The following PTBP2 variants were observed in gnomAD, a reference collection of about 807,000 sequenced individuals.
The protein encoded by PTBP2 is polypyrimidine tract binding protein 2, also known as polypyrimidine tract-binding protein 2.
In PTBP2, 13 loss-of-function variants were observed where a neutral mutation model predicts 61.4. That is an observed-to-expected ratio of 0.21 (90% CI 0.14 to 0.34). PTBP2 has a LOEUF of 0.34. Among genes scored for constraint, PTBP2 ranks in the 10% least tolerant of loss-of-function variants. The pLI, the probability that PTBP2 is intolerant of heterozygous loss-of-function variation, is 1.00. For synonymous variants in PTBP2, 215 were observed against 218.5 expected (o/e 0.98, Z 0.14); for missense variants, 405 against 642.6 (o/e 0.63, Z 4.00).
chr1:96,753,011 G>A (rs561124964), intron 3 of PTBP2, among the ~76,000 whole-genome samples: 1 of 152,278 alleles, frequency 6.6e-6, no homozygotes, highest in South Asian at 2.1e-4. Flanking sequence ...AAGAGTGGGT[G>A]TCAGGGCTGC....
intron 3 of PTBP2, among the ~76,000 whole-genome samples, chr1:96,763,457 A>G (rs927526081): frequency 6.7e-6 from 1 of 149,598 alleles, no homozygotes; most frequent in Admixed American, 6.6e-5. Flanking sequence ...GCGTGCCTGC[A>G]ATAGCAGGCA....
At position 96,762,933 on chromosome 1, in the gene PTBP2, C is replaced by T. The variant is rs1376015844; in HGVS notation, c.116-6770C>T. On this transcript the variant is annotated intron_variant, in intron 3 of 13. Transcript: ENST00000674951. ...GGCCGGGTAGAGGCGCTCCTCACAT[C>T]CCAGACGGGGCGGCGGGGCAGCGGC... Among the ~76,000 whole-genome samples the T allele has an allele frequency of 6.6e-5, 10 of 151,792 alleles. No homozygotes were observed. The East Asian group carries it at 1.6e-3, about 24-fold the overall frequency.
Position 96,806,405 on chromosome 1 carries a change from C to T in PTBP2, c.1045-14C>T. ...TTCTTGTCTTACGCTGCTTGCTCTTCTCTCCTTCTAAAGATGGTTACGCCC... is the reference window on the plus strand; with the variant it reads ...TTCTTGTCTTACGCTGCTTGCTCTTTTCTCCTTCTAAAGATGGTTACGCCC... On this transcript the variant is annotated splice_polypyrimidine_tract_variant and intron_variant, in intron 9 of 13. Transcript: ENST00000674951. 6.4e-7 allele frequency: 1 copy of T among 1,572,994 alleles called. No homozygotes were observed. The highest frequency in any genetic ancestry group is 8.8e-7 in the Non-Finnish European group (1 of 1,142,632).
At chr1:96,808,693 G>A (rs531598813) in intron 11 of PTBP2, among the ~76,000 whole-genome samples, 3 of 152,238 alleles carry the variant, frequency 2.0e-5, no homozygotes, top group African/African-American at 7.2e-5. Context: ...TGGACTATCT[G>A]TAGTGGTAAA....
At chr1:96,750,064 A>AT (rs1367239137) in intron 2 of PTBP2, among the ~76,000 whole-genome samples, 53 of 148,456 alleles carry the variant, frequency 3.6e-4, no homozygotes, top group East Asian at 2.2e-3. Context: ...ACACTTGGGG[A>AT]TTTTTTTTTT....
chr1:96,788,773 A>C (rs939239462), intron 8 of PTBP2, among the ~76,000 whole-genome samples: 6 of 152,040 alleles, frequency 3.9e-5, no homozygotes, highest in African/African-American at 1.4e-4. Context: ...CAGTACTATA[A>C]ATTTTAATTG....
In PTBP2 at chr1:96,777,922, A is replaced by G; in HGVS notation, c.684A>G (p.Pro228=). 1 of 1,577,058 alleles carries G rather than the reference A, an allele frequency of 6.3e-7. No individual in the cohort carries two copies. ...QFQALLQYGD[P]VNAQQAKLAL... is the part of the protein sequence containing the mutation. Reference sequence around the variant, plus strand: ...AAGCTTTGCTCCAGTATGGTGATCCAGTAAATGCTCAACAAGCAAAACTAG... The same window carrying G: ...AAGCTTTGCTCCAGTATGGTGATCCGGTAAATGCTCAACAAGCAAAACTAG... The change falls in exon 7 of 14, where the codon CCA becomes CCG. Residue 228 remains proline, a synonymous_variant. Transcript: ENST00000674951.
rs1208075008 is a variant in PTBP2, at chr1:96,762,304, G to A, written c.116-7399G>A. Among the ~76,000 whole-genome samples, 15 of 151,122 alleles carry A rather than the reference G, an allele frequency of 9.9e-5. No individual in the cohort carries two copies. The East Asian group carries it at 1.4e-3, about 14-fold the overall frequency. On this transcript the variant is annotated intron_variant, in intron 3 of 13. Transcript: ENST00000674951. ...GGGCTCCTCACTTCCCAGTAGGGGC[G>A]GCCGGGCAGAGGCGCCCCTCACTCC... is the stretch of plus-strand genomic sequence containing the variant.
At chr1:96,730,049 T>C (rs534369961) in intron 2 of PTBP2, among the ~76,000 whole-genome samples, 5 of 152,322 alleles carry the variant, frequency 3.3e-5, no homozygotes, top group Admixed American at 6.5e-5. Flanking sequence ...TTTTACACTT[T>C]TGGTATCTGT....
exon 14 of PTBP2, chr1:96,821,285 A>T (rs1165759518): frequency 6.6e-6 from 1 of 152,176 alleles, no homozygotes; most frequent in African/African-American, 2.4e-5. Flanking sequence ...CATTGTGAAT[A>T]ACACAGTGTA....
chr1:96,741,093 C>T (rs181925397), intron 2 of PTBP2, among the ~76,000 whole-genome samples: 256 of 150,394 alleles, frequency 1.7e-3, no homozygotes, highest in African/African-American at 6.1e-3. Context: ...CATTGTTGGA[C>T]TTTTTAATTT....
chr1:96,745,353 G>A (rs1189208893), intron 2 of PTBP2, among the ~76,000 whole-genome samples: 2 of 151,972 alleles, frequency 1.3e-5, no homozygotes, highest in Non-Finnish European at 2.9e-5. Context: ...TAGTAGAGAC[G>A]GGGTTTCACC....
At chr1:96,794,883 A>G (rs970461155) in intron 8 of PTBP2, among the ~76,000 whole-genome samples, 3 of 152,222 alleles carry the variant, frequency 2.0e-5, no homozygotes, top group Non-Finnish European at 2.9e-5. Context: ...TGTGACGAAT[A>G]GGATAATTGA....
intron 7 of PTBP2, chr1:96,784,813 A>T: frequency 2.7e-6 from 1 of 375,792 alleles, no homozygotes; most frequent in South Asian, 3.8e-5. Flanking sequence ...TAAAAGTATT[A>T]GCATGGATGC....
At chr1:96,812,609 A>AAAAT in intron 11 of PTBP2, 103 bp from the exon 12 acceptor site, 1 of 943,154 alleles carries the variant, frequency 1.1e-6, no homozygotes, top group South Asian at 1.8e-5. Flanking sequence ...GATTTATTTT[A>AAAAT]AAATCATAAG....
intron 3 of PTBP2, among the ~76,000 whole-genome samples, chr1:96,754,101 A>C (rs1263191680): frequency 1.3e-5 from 2 of 152,194 alleles, no homozygotes; most frequent in Non-Finnish European, 2.9e-5. Flanking sequence ...ATACTTAGAC[A>C]CATAGTAGTC....
exon 14 of PTBP2, chr1:96,820,837 A>G (rs1662662872): frequency 6.6e-6 from 1 of 152,122 alleles, no homozygotes. Flanking sequence ...CATTTTCCTC[A>G]TAAGTCCTGT....
In PTBP2 at chr1:96,812,714, A is replaced by T; in HGVS notation, c.1174A>T (p.Met392Leu). 6.4e-7 allele frequency: 1 copy of T among 1,573,050 alleles called. No homozygotes were observed. Among genetic ancestry groups the T allele is most frequent in the Non-Finnish European group, 8.7e-7 (1 of 1,143,834 alleles). ...MADGNQSQLA[M>L]NHLNGQKMYG... ...ATAGACATGCTTTCTTTTTATAGCCATGAATCATCTTAATGGACAGAAAAT... is the reference window on the plus strand; with the variant it reads ...ATAGACATGCTTTCTTTTTATAGCCTTGAATCATCTTAATGGACAGAAAAT... Residue 392 changes from methionine to leucine, a missense_variant and splice_region_variant, in exon 12 of 14, where the codon ATG becomes TTG. By Grantham distance (15) the Met-to-Leu change is conservative. This residue lies in a region of PTBP2 where 342 missense variants were observed against 491.2 expected (regional missense o/e 0.70). Transcript: ENST00000674951.
chr1:96,731,378 T>G (rs1411394465), intron 2 of PTBP2, among the ~76,000 whole-genome samples: 1 of 152,186 alleles, frequency 6.6e-6, no homozygotes, highest in Non-Finnish European at 1.5e-5. Flanking sequence ...ACACTAAAAA[T>G]TATTTTGTAA....
Sources: gnomAD v4.1 joint callset for allele counts (sites outside exome capture counted in the v4.1 genomes callset) on GRCh38, gnomAD v4.1.1 for gene constraint, gnomAD v4.1.1 regional missense constraint, MANE v1.5 for transcripts, NCBI Gene and HGNC (gene_info 2026-07-23, HGNC 2026-07-21) for gene names.